The following MPP4 variants were observed in gnomAD, a reference collection of about 807,000 sequenced individuals.
MPP4 encodes MAGUK p55 subfamily member 4.
MPP4 carries 91 observed loss-of-function variants against 98.3 expected under a neutral mutation model. The observed-to-expected ratio is 0.93, with a 90% CI of 0.78 to 1.10. MPP4 has a LOEUF of 1.10. Among genes scored for constraint, MPP4 ranks in the 50% least tolerant of loss-of-function variants. The probability of loss-of-function intolerance (pLI) is 0.00; values close to 1 mark genes in which losing one functional copy is unlikely to be tolerated. For missense variants in MPP4, 744 were observed against 792.9 expected, an observed-to-expected ratio of 0.94 and a Z score of 0.74; for synonymous variants, 261 against 271.8, an observed-to-expected ratio of 0.96 and a Z score of 0.39.
intron 5 of MPP4, among the ~76,000 whole-genome samples, 168 bp downstream of exon 5, chr2:201,687,123 T>G (rs1163992521): frequency 6.6e-6 from 1 of 152,230 alleles, no homozygotes; most frequent in African/African-American, 2.4e-5. Context: ...AACACTGAGC[T>G]AGTCACATCT....
rs13430814 is a variant in MPP4, at chr2:201,649,934, T to C, written c.1475+138A>G. On this transcript the variant is annotated intron_variant, in intron 19 of 21. Transcript: ENST00000409474. ...ACCCAGTGAGTTGGTGTGCTGTATA[T>C]CGATGTACATTTCTTGCTTAACTCC... The C allele has an allele frequency of 1.2e-3, 1,036 of 871,056 alleles. 17 individuals carry two copies. In the African/African-American group the frequency reaches 0.015, roughly 13 times the overall value. 54.0% of individuals were successfully genotyped at this position (871,056 alleles called of 1,614,324 possible). A position where few individuals can be genotyped will look rare whatever the true frequency, so the allele number is the denominator to read the frequency against.
chr2:201,663,995 C>T, intron 14 of MPP4, 86 bp downstream of exon 14: 1 of 979,216 alleles, frequency 1.0e-6, no homozygotes, highest in Non-Finnish European at 1.4e-6. Flanking sequence ...TATATTTAAA[C>T]AGTTATTATA....
At chr2:201,669,255 C>A (rs1204957437) in intron 12 of MPP4, among the ~76,000 whole-genome samples, 1 of 152,014 alleles carries the variant, frequency 6.6e-6, no homozygotes, top group Non-Finnish European at 1.5e-5. Flanking sequence ...AATCTTGAAT[C>A]CAGATTACAC....
At chr2:201,693,511 C>T (rs1041242135) in intron 2 of MPP4, among the ~76,000 whole-genome samples, 2 of 152,128 alleles carry the variant, frequency 1.3e-5, no homozygotes, top group African/African-American at 4.8e-5. Context: ...TAATGCAAAG[C>T]TCAGTATTCT....
rs760142082 is a variant in MPP4 at position 201,686,094 on chromosome 2, C to T, written c.361-44G>A. 1.4e-4 allele frequency: 223 copies of T among 1,599,810 alleles called. 1 individual carries two copies. In the Middle Eastern group the frequency reaches 2.0e-3, roughly 14 times the overall value. ...AAGGTGAGCAAATGTCACACATGGG[C>T]CAAACCCCTCTAGAAGATAGTAACT... On this transcript the variant is annotated intron_variant, in intron 5 of 21. Transcript: ENST00000409474.
intron 11 of MPP4, among the ~76,000 whole-genome samples, chr2:201,674,775 A>G (rs1397721384): frequency 6.6e-6 from 1 of 151,574 alleles, no homozygotes; most frequent in Non-Finnish European, 1.5e-5. Context: ...GTCATAAGAT[A>G]TGCAATTTCC....
chr2:201,650,126 C>T lies in MPP4; in HGVS notation c.1421G>A (p.Arg474His), dbSNP rs190854787. The T allele has an allele frequency of 8.9e-5, 140 of 1,580,934 alleles. 1 individual carries two copies. The highest frequency in any genetic ancestry group is 8.3e-4 in the Middle Eastern group (5 of 6,024). Residue 474 changes from arginine to histidine, a missense_variant, in exon 19 of 22, where the codon CGT (arginine) becomes CAT (histidine). Arg to His is a conservative substitution (Grantham distance 29). Coordinates refer to ENST00000409474, the MANE Select transcript of MPP4 (RefSeq NM_033066.3). ...RTKKSYEMNGREYHYVSKETF... is the reference protein window; with the variant it reads ...RTKKSYEMNGHEYHYVSKETF... ...TTCCTTGGACACATAGTGATACTCA[C>T]GCCCATTCATTTCGTAACTCTTTTT...
Position 201,656,387 on chromosome 2 carries a change from C to T in MPP4, c.1130-19G>A, listed in dbSNP as rs1396114468. ...AAGCCAGCTAGGGAGGGGAAGTGCACAGAACGTAAGAACCAGGCAGGAGAG... is the reference window on the plus strand; with the variant it reads ...AAGCCAGCTAGGGAGGGGAAGTGCATAGAACGTAAGAACCAGGCAGGAGAG... On this transcript the variant is annotated intron_variant, in intron 16 of 21. Coordinates refer to ENST00000409474, the MANE Select transcript of MPP4 (RefSeq NM_033066.3). 1.9e-6 allele frequency: 3 copies of T among 1,542,658 alleles called. No homozygotes were observed. The highest frequency in any genetic ancestry group is 1.8e-6 in the Non-Finnish European group (2 of 1,141,884).
intron 11 of MPP4, among the ~76,000 whole-genome samples, chr2:201,671,241 G>C (rs901359745): frequency 1.3e-5 from 2 of 152,100 alleles, no homozygotes; most frequent in Non-Finnish European, 2.9e-5. Flanking sequence ...CTGGAAAAGG[G>C]GCTGAAGCCA....
chr2:201,656,537 C>T (rs750894263), intron 16 of MPP4, among the ~76,000 whole-genome samples, 169 bp from the exon 17 acceptor site: 2 of 152,178 alleles, frequency 1.3e-5, no homozygotes, highest in Non-Finnish European at 2.9e-5. Context: ...TATGAAAATG[C>T]CCCCTGTGCT....
Position 201,681,036 on chromosome 2 carries a change from T to A in MPP4, c.733-2A>T. ...CTCAGTCATGGCACGGACGTACACC[T>A]GATGGCAGGTGCATAATGACGCTAT... On this transcript the variant is annotated splice_acceptor_variant, in intron 9 of 21. Transcript: ENST00000409474. LOFTEE classifies it high-confidence loss of function. The A allele has an allele frequency of 6.2e-7, 1 of 1,606,752 alleles. No homozygotes were observed. Among genetic ancestry groups the A allele is most frequent in the East Asian group, 2.2e-5 (1 of 44,648 alleles).
At chr2:201,682,071 A>G in intron 8 of MPP4, among the ~76,000 whole-genome samples, 1 of 152,072 alleles carries the variant, frequency 6.6e-6, no homozygotes, top group East Asian at 1.9e-4. Context: ...AGACCGGGGG[A>G]AGGAAGAATT....
chr2:201,679,646 C>G (rs1219362098), intron 10 of MPP4, among the ~76,000 whole-genome samples: 1 of 152,180 alleles, frequency 6.6e-6, no homozygotes, highest in African/African-American at 2.4e-5. Context: ...ACCGCCTGCT[C>G]AAAGACATCA....
intron 7 of MPP4, 121 bp downstream of exon 7, chr2:201,684,943 A>C (rs1812932): frequency 0.36 from 229,930 of 634,650 alleles, 48,577 homozygotes; most frequent in Admixed American, 0.47. Context: ...GCAAGACTCC[A>C]TCTCAAAAAA....
chr2:201,654,476 A>G (rs778502136), intron 18 of MPP4, among the ~76,000 whole-genome samples: 25 of 152,168 alleles, frequency 1.6e-4, no homozygotes, highest in Admixed American at 2.0e-4. Flanking sequence ...GTTGTGGGGT[A>G]GGGGGAGTGG....
intron 11 of MPP4, 97 bp downstream of exon 11, chr2:201,675,110 C>A: frequency 7.8e-7 from 1 of 1,278,534 alleles, no homozygotes; most frequent in East Asian, 2.5e-5. Context: ...TCCCATGTGG[C>A]ATGGCCAGCC....
intron 9 of MPP4, 84 bp downstream of exon 9, chr2:201,681,412 G>C: frequency 8.7e-7 from 1 of 1,155,890 alleles, no homozygotes; most frequent in Non-Finnish European, 1.3e-6. Flanking sequence ...ACAGTACAAA[G>C]GATAGGATTA....
intron 4 of MPP4, among the ~76,000 whole-genome samples, chr2:201,688,114 G>T (rs17468989): frequency 1.3e-5 from 2 of 152,026 alleles, no homozygotes. Context: ...TTGAATTGTT[G>T]ATTACTGGAA....
chr2:201,645,533 A>C, intron 21 of MPP4, 129 bp from the exon 22 acceptor site: 1 of 636,236 alleles, frequency 1.6e-6, no homozygotes, highest in Non-Finnish European at 2.4e-6. Context: ...AAAATTTTGC[A>C]CAGATGATTT....
Sources: gnomAD v4.1 joint callset for allele counts (sites outside exome capture counted in the v4.1 genomes callset) on GRCh38, gnomAD v4.1.1 for gene constraint, MANE v1.5 for transcripts, NCBI Gene and HGNC (gene_info 2026-07-23, HGNC 2026-07-21) for gene names.